UNC13C: variants seen among roughly 807,000 people sequenced by gnomAD.
UNC13C encodes the protein protein unc-13 homolog C.
Under a neutral mutation model 245.4 loss-of-function variants are expected in UNC13C, and 174 were observed. That is an observed-to-expected ratio of 0.71 (90% CI 0.63 to 0.80). The LOEUF is 0.80. Among genes scored for constraint, UNC13C ranks in the 30% least tolerant of loss-of-function variants. The probability of loss-of-function intolerance (pLI) is 0.00; values close to 1 mark genes in which losing one functional copy is unlikely to be tolerated. For synonymous variants in UNC13C, 992 were observed against 895.1 expected (o/e 1.11, Z -1.93); for missense variants, 2,829 against 2,602.9 (o/e 1.09, Z -1.89).
intron 19 of UNC13C, among the ~76,000 whole-genome samples, chr15:54,420,299 A>G (rs959402602): frequency 4.6e-5 from 7 of 152,080 alleles, no homozygotes; most frequent in Non-Finnish European, 8.8e-5. Context: ...GCGGGCTGTC[A>G]GCAGGAGACC....
At chr15:54,253,672 G>A (rs534411535) in intron 8 of UNC13C, among the ~76,000 whole-genome samples, 28 of 152,224 alleles carry the variant, frequency 1.8e-4, no homozygotes, top group African/African-American at 5.8e-4. Context: ...CCTGAATTAC[G>A]TTAACATAAC....
At chr15:54,604,899 G>C (rs184217491) in intron 30 of UNC13C, among the ~76,000 whole-genome samples, 30 of 152,262 alleles carry the variant, frequency 2.0e-4, no homozygotes, top group African/African-American at 7.0e-4. Context: ...TCTGGACCCA[G>C]ACCTACCTAA....
chr15:54,500,015 C>A, intron 20 of UNC13C, 64 bp from the exon 21 acceptor site: 1 of 1,182,998 alleles, frequency 8.5e-7, no homozygotes, highest in Non-Finnish European at 1.2e-6. Flanking sequence ...AAAAGAGCAG[C>A]ATTCCTGTTA....
At chr15:53,940,345 C>T in the UNC13C span, among the ~76,000 whole-genome samples, 1 of 151,994 alleles carries the variant, frequency 6.6e-6, no homozygotes, top group Non-Finnish European at 1.5e-5. Context: ...GTATGACAAA[C>T]CCACAGCCAA....
In UNC13C at chr15:54,183,117, TAAA is replaced by T. The variant is rs534621075; in HGVS notation, c.3071+39437_3071+39439del. 8.6e-5 allele frequency among the ~76,000 whole-genome samples: 13 copies of T among 151,726 alleles called. No individual in the cohort carries two copies. The South Asian group carries it at 2.5e-3, about 29-fold the overall frequency. ...AACATTTTACAAACCCGAAAGAAGTTAAAAAAGGTGAAATAGGGGGACAAAAGC... is the reference window on the plus strand; with the variant it reads ...AACATTTTACAAACCCGAAAGAAGTTAAAGGTGAAATAGGGGGACAAAAGC... On this transcript the variant is annotated intron_variant, in intron 4 of 32. Coordinates refer to ENST00000260323, the MANE Select transcript of UNC13C (RefSeq NM_001080534.3).
At chr15:53,904,864 T>C in the UNC13C span, among the ~76,000 whole-genome samples, 1 of 152,172 alleles carries the variant, frequency 6.6e-6, no homozygotes, top group East Asian at 1.9e-4. Context: ...ATCTGAAGAA[T>C]AGTTATAATA....
chr15:54,358,373 A>G (rs573383083), intron 17 of UNC13C, among the ~76,000 whole-genome samples: 1 of 152,098 alleles, frequency 6.6e-6, no homozygotes, highest in Non-Finnish European at 1.5e-5. Context: ...TGGTATTTTC[A>G]TAGGGATAAC....
At chr15:54,396,794 A>T (rs1320388807) in intron 18 of UNC13C, among the ~76,000 whole-genome samples, 1 of 151,326 alleles carries the variant, frequency 6.6e-6, no homozygotes, top group African/African-American at 2.4e-5. Flanking sequence ...CCATATTTTT[A>T]TCTGAATATT....
the UNC13C span, among the ~76,000 whole-genome samples, chr15:53,932,340 A>G: frequency 2.4e-5 from 3 of 123,034 alleles, no homozygotes; most frequent in African/African-American, 9.6e-5. Context: ...AACAACAACA[A>G]CAAACAGTGC....
chr15:54,389,929 A>G (rs1455012059), intron 17 of UNC13C, among the ~76,000 whole-genome samples: 4 of 151,982 alleles, frequency 2.6e-5, no homozygotes, highest in Admixed American at 1.3e-4. Context: ...GAGTTTCACT[A>G]TGTTGGCTAG....
chr15:54,517,873 A>G (rs1895047937), intron 24 of UNC13C, among the ~76,000 whole-genome samples: 1 of 152,190 alleles, frequency 6.6e-6, no homozygotes, highest in African/African-American at 2.4e-5. Flanking sequence ...GAAAGTTTTA[A>G]TTGTTATAAC....
At chr15:53,974,385 A>G (rs1338406468), upstream of UNC13C, among the ~76,000 whole-genome samples, 1 of 152,148 alleles carries the variant, frequency 6.6e-6, no homozygotes, top group Non-Finnish European at 1.5e-5. Flanking sequence ...CAAGCACACT[A>G]TTATTCACTC....
chr15:54,256,031 A>T (rs527559980), intron 8 of UNC13C, among the ~76,000 whole-genome samples: 11 of 152,296 alleles, frequency 7.2e-5, no homozygotes, highest in Non-Finnish European at 1.5e-4. Flanking sequence ...AATGGATATC[A>T]ATGCATGTTT....
At position 54,187,218 on chromosome 15, in the gene UNC13C, C is replaced by G. The variant is rs1375068442; in HGVS notation, c.3071+43534C>G. On this transcript the variant is annotated intron_variant, in intron 4 of 32. Transcript: ENST00000260323. ...ATAAAATATAATATCTCCTGAATCTCTCCTCTTCATCACTACTGCCTTACC... is the reference window on the plus strand; with the variant it reads ...ATAAAATATAATATCTCCTGAATCTGTCCTCTTCATCACTACTGCCTTACC... Among the ~76,000 whole-genome samples the G allele has an allele frequency of 1.3e-5, 2 of 152,064 alleles. 1 individual carries two copies. The highest frequency in any genetic ancestry group is 2.9e-5 in the Non-Finnish European group (2 of 68,008).
chr15:54,475,281 T>TTTATTATTATTA (rs60034401), intron 19 of UNC13C, among the ~76,000 whole-genome samples: 1 of 105,024 alleles, frequency 9.5e-6, no homozygotes, highest in African/African-American at 3.9e-5. Context: ...TGGTTTTTTG[T>TTTATTATTATTA]TTATTATTAT....
At chr15:54,440,684 T>C (rs182299997) in intron 19 of UNC13C, among the ~76,000 whole-genome samples, 14 of 152,212 alleles carry the variant, frequency 9.2e-5, no homozygotes, top group East Asian at 3.9e-4. Flanking sequence ...AATAGTGGGA[T>C]TGGTGGATCC....
chr15:54,391,037 G>A (rs1418243775), intron 17 of UNC13C, among the ~76,000 whole-genome samples: 4 of 152,108 alleles, frequency 2.6e-5, no homozygotes, highest in African/African-American at 9.7e-5. Flanking sequence ...AGTGATGGAA[G>A]TACAATTTGC....
intron 1 of UNC13C, among the ~76,000 whole-genome samples, chr15:53,984,747 A>G (rs1290824456): frequency 3.3e-5 from 5 of 152,102 alleles, no homozygotes; most frequent in Non-Finnish European, 7.4e-5. Flanking sequence ...AGAGTATGAT[A>G]TGCAAAGTTG....
At chr15:54,226,305 G>A (rs941783167) in intron 4 of UNC13C, among the ~76,000 whole-genome samples, 3 of 152,158 alleles carry the variant, frequency 2.0e-5, no homozygotes, top group African/African-American at 7.2e-5. Flanking sequence ...ATCAGGATGA[G>A]AGTGGCCTCA....
Sources: gnomAD v4.1 joint callset for allele counts (sites outside exome capture counted in the v4.1 genomes callset) on GRCh38, gnomAD v4.1.1 for gene constraint, MANE v1.5 for transcripts, NCBI Gene and HGNC (gene_info 2026-07-23, HGNC 2026-07-21) for gene names.